The following PCDHA8 variants were observed in gnomAD, a reference collection of about 807,000 sequenced individuals.
PCDHA8 encodes the protein protocadherin alpha 8.
PCDHA8 carries 53 observed loss-of-function variants against 61.8 expected under a neutral mutation model. That is an observed-to-expected ratio of 0.86 (90% CI 0.69 to 1.08). The LOEUF (loss-of-function observed/expected upper bound fraction) is 1.08. Ranked by LOEUF, PCDHA8 falls within the 50% of genes least tolerant of loss-of-function variation. The probability of loss-of-function intolerance (pLI) is 0.00; values close to 1 mark genes in which losing one functional copy is unlikely to be tolerated. For synonymous variants in PCDHA8, 618 were observed against 556.6 expected (o/e 1.11, Z -1.55); for missense variants, 1,293 against 1,245.0 (o/e 1.04, Z -0.58).
chr5:140,965,924 C>A (rs548082207), intron 1 of PCDHA8, among the ~76,000 whole-genome samples: 1 of 152,212 alleles, frequency 6.6e-6, no homozygotes, highest in Non-Finnish European at 1.5e-5. Context: ...TTTAGGCTTG[C>A]TCCCGGAAAG....
intron 1 of PCDHA8, among the ~76,000 whole-genome samples, chr5:140,918,586 G>A (rs2078766446): frequency 6.6e-6 from 1 of 152,188 alleles, no homozygotes; most frequent in South Asian, 2.1e-4. Context: ...TTGGCTATAT[G>A]TTCTATAGAT....
At chr5:140,882,989 G>C (rs567590369) in intron 1 of PCDHA8, 2 of 1,614,130 alleles carry the variant, frequency 1.2e-6, no homozygotes, top group Non-Finnish European at 8.5e-7. Context: ...CAACGCCCCG[G>C]AATTTTACCA....
Position 140,857,842 on chromosome 5 carries a change from T to C in PCDHA8, c.2394+14127T>C, listed in dbSNP as rs932363961. 33 of 1,597,726 alleles carry C rather than the reference T, an allele frequency of 2.1e-5. 1 individual carries two copies. Among genetic ancestry groups the C allele is most frequent in the Non-Finnish European group, 2.7e-5 (32 of 1,167,518 alleles). ...TGGCTAAGGTGCGCGCAGTGGACGCTGACTCTGGATACAACGCGTGGCTGT... is the reference window on the plus strand; with the variant it reads ...TGGCTAAGGTGCGCGCAGTGGACGCCGACTCTGGATACAACGCGTGGCTGT... On this transcript the variant is annotated intron_variant, in intron 1 of 3. Transcript: ENST00000531613.
intron 1 of PCDHA8, among the ~76,000 whole-genome samples, chr5:140,971,291 C>T (rs541777110): frequency 1.1e-4 from 17 of 152,164 alleles, no homozygotes; most frequent in Admixed American, 3.3e-4. Flanking sequence ...TTAATATGTA[C>T]TTTGGTACAC....
chr5:140,947,738 T>C (rs2153680991), intron 1 of PCDHA8, among the ~76,000 whole-genome samples: 1 of 151,740 alleles, frequency 6.6e-6, no homozygotes, highest in South Asian at 2.1e-4. Context: ...GTAATACCTA[T>C]TCTTATGTAT....
chr5:141,010,272 T>C lies in PCDHA8; in HGVS notation c.*335T>C. On this transcript the variant is annotated 3_prime_UTR_variant, in exon 4 of 4. Coordinates refer to ENST00000531613, the MANE Select transcript of PCDHA8 (RefSeq NM_018911.3). ...TCTCTGCCCTGTGCTCCGGGGATCC[T>C]GTCTTGATGACACTTGCAGGGCAGG... The C allele has an allele frequency of 6.4e-7, 1 of 1,551,508 alleles. No homozygotes were observed. Among genetic ancestry groups the C allele is most frequent in the Non-Finnish European group, 8.7e-7 (1 of 1,146,940 alleles).
At chr5:140,888,234 G>A (rs1554183382) in intron 1 of PCDHA8, among the ~76,000 whole-genome samples, 2 of 152,250 alleles carry the variant, frequency 1.3e-5, no homozygotes, top group East Asian at 1.9e-4. Flanking sequence ...ATGTGTGTGC[G>A]TGTTCCTTTA....
Position 140,841,862 on chromosome 5 carries a change from G to C in PCDHA8, c.541G>C (p.Asp181His), listed in dbSNP as rs145069696. 3.2e-4 allele frequency: 514 copies of C among 1,613,850 alleles called. 1 individual carries two copies. The highest frequency in any genetic ancestry group is 2.6e-3 in the Middle Eastern group (16 of 6,062). The change falls in exon 1 of 4, where the codon GAT (aspartate) becomes CAT (histidine). Residue 181 changes from aspartate (D) to histidine (H), a missense_variant. By Grantham distance (81) the Asp-to-His change is moderately conservative (BLOSUM62 -1). Transcript: ENST00000531613. ...RLSSHDYFMLDVNSKNDENKL... is the reference protein window; with the variant it reads ...RLSSHDYFMLHVNSKNDENKL... ...TAGCTCTCATGATTACTTCATGCTA[G>C]ATGTGAATTCAAAGAACGATGAGAA...
At position 140,849,621 on chromosome 5, in the gene PCDHA8, G is replaced by A. The variant is rs2150442688; in HGVS notation, c.2394+5906G>A. The stretch of plus-strand genomic sequence containing the variant: ...AGTTATTGCCCTGATTAGTGTGATC[G>A]ACCTAGACGCAGATGCCAACGGGCA... On this transcript the variant is annotated intron_variant, in intron 1 of 3. Transcript: ENST00000531613. The A allele has an allele frequency of 1.9e-6, 3 of 1,598,666 alleles. 1 individual carries two copies. The highest frequency in any genetic ancestry group is 2.2e-5 in the East Asian group (1 of 44,846).
At position 140,990,592 on chromosome 5, in the gene PCDHA8, C is replaced by T. The variant is rs150978794; in HGVS notation, c.2542+8029C>T. On this transcript the variant is annotated intron_variant, in intron 3 of 3. Coordinates refer to ENST00000531613, the MANE Select transcript of PCDHA8 (RefSeq NM_018911.3). ...GTTCGATCTCTTTTCCTATAATCAC[C>T]TGGAGTCAGATGAATACCGTAAAGG... 2.7e-3 allele frequency among the ~76,000 whole-genome samples: 412 copies of T among 152,286 alleles called. 2 individuals are homozygous for T. Among genetic ancestry groups the T allele is most frequent in the African/African-American group, 9.5e-3 (395 of 41,556 alleles).
chr5:140,855,926 G>A lies in PCDHA8; in HGVS notation c.2394+12211G>A, dbSNP rs1420815177. On this transcript the variant is annotated intron_variant, in intron 1 of 3. Transcript: ENST00000531613. ...AGTTTCTCAAGGACTAGGAAGTAGC[G>A]TCATTCTGAGATCTCAGCCATTTCG... is the stretch of plus-strand genomic sequence containing the variant. 2.4e-6 allele frequency: 3 copies of A among 1,256,218 alleles called. 1 individual carries two copies. The highest frequency in any genetic ancestry group is 3.3e-6 in the Non-Finnish European group (3 of 905,286). 77.8% of individuals were successfully genotyped at this position (1,256,218 alleles called of 1,614,324 possible). A position where few individuals can be genotyped will look rare whatever the true frequency, so the allele number is the denominator to read the frequency against.
intron 1 of PCDHA8, among the ~76,000 whole-genome samples, chr5:140,954,134 A>G (rs1443838127): frequency 6.6e-6 from 1 of 152,194 alleles, no homozygotes; most frequent in Non-Finnish European, 1.5e-5. Flanking sequence ...TTATGGATGC[A>G]TAGTATTCCA....
intron 1 of PCDHA8, among the ~76,000 whole-genome samples, chr5:140,924,901 AAAAATAAAATAAAAT>A (rs10667761): frequency 2.0e-3 from 158 of 80,494 alleles, no homozygotes; most frequent in African/African-American, 5.2e-3. Context: ...TCTCAAAAAA[AAAAATAAAATAAAAT>A]AAAATAAAAT....
intron 1 of PCDHA8, chr5:140,856,002 G>C: frequency 6.5e-7 from 1 of 1,534,758 alleles, no homozygotes; most frequent in South Asian, 1.2e-5. Context: ...TCGTATGTGC[G>C]TTCTAGACCG....
rs2150325780 is a variant in PCDHA8 at position 140,841,933 on chromosome 5, C to A, written c.612C>A (p.Asp204Glu). 1.5e-5 allele frequency: 24 copies of A among 1,613,740 alleles called. 1 individual carries two copies. Among genetic ancestry groups the A allele is most frequent in the South Asian group, 4.4e-5 (4 of 91,086 alleles). ...LVLRKSLDREDAPAHHLFLTA... is the reference protein window; with the variant it reads ...LVLRKSLDREEAPAHHLFLTA... ...TAAGAAAATCCTTGGACAGAGAGGA[C>A]GCTCCTGCGCACCACTTATTCCTGA... The change falls in exon 1 of 4, where the codon GAC becomes GAA. Residue 204 changes from aspartate (D) to glutamate (E), a missense_variant. Transcript: ENST00000531613.
At chr5:140,901,643 G>A (rs1011127972) in intron 1 of PCDHA8, among the ~76,000 whole-genome samples, 7 of 151,908 alleles carry the variant, frequency 4.6e-5, no homozygotes, top group Non-Finnish European at 8.8e-5. Context: ...TGATTCTTCC[G>A]GTTTTGTTCT....
At chr5:140,952,515 C>G (rs2094758109) in intron 1 of PCDHA8, among the ~76,000 whole-genome samples, 1 of 152,132 alleles carries the variant, frequency 6.6e-6, no homozygotes, top group Non-Finnish European at 1.5e-5. Context: ...TCATCTCCAT[C>G]TGAGACCTCC....
chr5:140,869,918 G>A, intron 1 of PCDHA8: 1 of 1,611,272 alleles, frequency 6.2e-7, no homozygotes. Context: ...CGAGACGAAG[G>A]AGTCAATGGA....
intron 1 of PCDHA8, chr5:140,854,282 G>A: frequency 1.9e-6 from 1 of 533,858 alleles, no homozygotes; most frequent in African/African-American, 2.1e-5. Context: ...ATTGAGTTTA[G>A]TTTTTATTAT....
Sources: gnomAD v4.1 joint callset for allele counts (sites outside exome capture counted in the v4.1 genomes callset) on GRCh38, gnomAD v4.1.1 for gene constraint, MANE v1.5 for transcripts, NCBI Gene and HGNC (gene_info 2026-07-23, HGNC 2026-07-21) for gene names.